Variants in PCGF6 observed in about 807,000 individuals in gnomAD.
PCGF6 encodes polycomb group RING finger protein 6.
PCGF6 carries 24 observed loss-of-function variants against 45.5 expected under a neutral mutation model. The observed-to-expected ratio is 0.53, with a 90% CI of 0.38 to 0.74. The LOEUF is 0.74. PCGF6 is among the 30% of genes least tolerant of loss of function. The probability of loss-of-function intolerance (pLI) is 0.00; values close to 1 mark genes in which losing one functional copy is unlikely to be tolerated. For missense variants in PCGF6, 356 were observed against 443.2 expected (o/e 0.80, Z 1.77); for synonymous variants, 152 against 162.1 (o/e 0.94, Z 0.47).
At position 103,337,941 on chromosome 10, in the gene PCGF6, GT is replaced by G. The variant is rs2093263538; in HGVS notation, c.783-3990del. 1.4e-4 allele frequency among the ~76,000 whole-genome samples: 15 copies of G among 108,994 alleles called. 6 individuals carry two copies. Among genetic ancestry groups the G allele is most frequent in the Non-Finnish European group, 2.4e-4 (12 of 50,908 alleles). The allele number at this position is 108,994 out of a possible 152,430, so 71.5% of individuals were successfully genotyped here. ...TAGCCGGGCGTAGTGGTGGGCGCCT[GT>G]AGTCCCAGCTACTTGGGAGGCTGAG... is the stretch of plus-strand genomic sequence containing the variant. On this transcript the variant is annotated intron_variant, in intron 6 of 9. Coordinates refer to ENST00000369847, the MANE Select transcript of PCGF6 (RefSeq NM_001011663.2).
chr10:103,335,926 C>T (rs1048756840), intron 6 of PCGF6, among the ~76,000 whole-genome samples: 1 of 151,216 alleles, frequency 6.6e-6, no homozygotes, highest in African/African-American at 2.4e-5. Flanking sequence ...GAGATCGTGT[C>T]ACTACACTCC....
At chr10:103,310,843 T>C (rs2093154824) in intron 9 of PCGF6, among the ~76,000 whole-genome samples, 1 of 151,988 alleles carries the variant, frequency 6.6e-6, no homozygotes, top group Non-Finnish European at 1.5e-5. Context: ...GTTGGGACTA[T>C]AGGCATGTGC....
intron 6 of PCGF6, among the ~76,000 whole-genome samples, chr10:103,343,696 G>T (rs190966124): frequency 1.3e-5 from 2 of 152,026 alleles, no homozygotes; most frequent in Non-Finnish European, 2.9e-5. Flanking sequence ...AGCCAGGCGT[G>T]GTGGCATGTG....
chr10:103,347,172 G>A (rs1473969169), intron 5 of PCGF6, 66 bp downstream of exon 5: 1 of 1,268,456 alleles, frequency 7.9e-7, no homozygotes, highest in East Asian at 2.3e-5. Context: ...GAACTTCAAA[G>A]GGCATATATT....
chr10:103,328,068 A>G (rs757488653), intron 7 of PCGF6, among the ~76,000 whole-genome samples: 3 of 152,152 alleles, frequency 2.0e-5, no homozygotes, highest in Non-Finnish European at 1.5e-5. Flanking sequence ...GTAGGAGGTG[A>G]TAAGTAGATG....
intron 7 of PCGF6, among the ~76,000 whole-genome samples, chr10:103,330,036 G>A (rs1384894353): frequency 6.6e-6 from 1 of 151,768 alleles, no homozygotes; most frequent in Non-Finnish European, 1.5e-5. Flanking sequence ...CCAAAGTGCT[G>A]GGATTACAGG....
At chr10:103,334,958 C>A (rs1364947295) in intron 6 of PCGF6, among the ~76,000 whole-genome samples, 1 of 152,208 alleles carries the variant, frequency 6.6e-6, no homozygotes. Flanking sequence ...GAAATTCACA[C>A]TCAGGTGTGC....
At chr10:103,314,546 T>G (rs1226480882) in intron 8 of PCGF6, among the ~76,000 whole-genome samples, 1 of 152,226 alleles carries the variant, frequency 6.6e-6, no homozygotes, top group Non-Finnish European at 1.5e-5. Context: ...TAAGTCATTT[T>G]AGACTTTAAT....
intron 8 of PCGF6, among the ~76,000 whole-genome samples, chr10:103,325,097 T>C (rs2093212838): frequency 6.6e-6 from 1 of 151,464 alleles, no homozygotes; most frequent in South Asian, 2.1e-4. Context: ...ATCACGCCAT[T>C]GCACTCCAGC....
chr10:103,317,984 C>T (rs539313274), intron 8 of PCGF6, among the ~76,000 whole-genome samples: 20 of 150,864 alleles, frequency 1.3e-4, no homozygotes, highest in Admixed American at 3.3e-4. Context: ...CTCGAACTCC[C>T]GAACTCAGGC....
chr10:103,305,888 T>A (rs1189633260), intron 9 of PCGF6, among the ~76,000 whole-genome samples: 1 of 150,264 alleles, frequency 6.7e-6, no homozygotes, highest in Non-Finnish European at 1.5e-5. Flanking sequence ...CCTCTCTACT[T>A]ATATAATTTA....
chr10:103,344,973 T>C lies in PCGF6; in HGVS notation c.782+51A>G, dbSNP rs770464250. 4 of 1,250,748 alleles carry C rather than the reference T, an allele frequency of 3.2e-6. No individual in the cohort carries two copies. The South Asian group carries it at 5.4e-5, about 17-fold the overall frequency. The allele number at this position is 1,250,748 out of a possible 1,614,324, so 77.5% of individuals were successfully genotyped here. On this transcript the variant is annotated intron_variant, in intron 6 of 9. Transcript: ENST00000369847. ...ACCTGAGTTCACAATGATTTCCTAT[T>C]AGGACTTTTAACATTCTTTAAGTTA...
At chr10:103,342,992 C>T (rs938500339) in intron 6 of PCGF6, among the ~76,000 whole-genome samples, 5 of 151,918 alleles carry the variant, frequency 3.3e-5, no homozygotes, top group African/African-American at 1.2e-4. Flanking sequence ...GCAGTGGCAC[C>T]ACCTCGGCTC....
At chr10:103,313,341 G>A in intron 9 of PCGF6, among the ~76,000 whole-genome samples, 1 of 152,320 alleles carries the variant, frequency 6.6e-6, no homozygotes, top group South Asian at 2.1e-4. Context: ...AAGGTGGGCG[G>A]ATCACTTGAG....
chr10:103,314,396 T>C (rs2093167552), intron 8 of PCGF6, 124 bp from the exon 9 acceptor site: 2 of 564,286 alleles, frequency 3.5e-6, no homozygotes, highest in Admixed American at 6.7e-5. Context: ...TTAGACTGAT[T>C]AAACGCTCTT....
chr10:103,320,790 A>T (rs751026476), intron 8 of PCGF6, among the ~76,000 whole-genome samples: 7 of 152,216 alleles, frequency 4.6e-5, no homozygotes, highest in Non-Finnish European at 1.0e-4. Flanking sequence ...TCCCGTGGGA[A>T]TTACTCGTTC....
chr10:103,311,446 T>G (rs1389653258), intron 9 of PCGF6, among the ~76,000 whole-genome samples: 3 of 147,696 alleles, frequency 2.0e-5, no homozygotes, highest in African/African-American at 7.4e-5. Context: ...CCGGCCTCTC[T>G]CTTTTTTTTT....
chr10:103,331,100 T>G (rs1207842018), intron 7 of PCGF6, among the ~76,000 whole-genome samples: 1 of 152,220 alleles, frequency 6.6e-6, no homozygotes, highest in Non-Finnish European at 1.5e-5. Context: ...GACTGGCTTC[T>G]TTTCCTTAGC....
In PCGF6 at chr10:103,345,069, C is replaced by G. The variant is rs137910892; in HGVS notation, c.737G>C (p.Arg246Pro). 2 of 1,613,026 alleles carry G rather than the reference C, an allele frequency of 1.2e-6. No individual in the cohort carries two copies. Among genetic ancestry groups the G allele is most frequent in the South Asian group, 2.2e-5 (2 of 90,944 alleles). ...RSKKVLESVFRIPPELDMSLL... is the reference protein window; with the variant it reads ...RSKKVLESVFPIPPELDMSLL... The stretch of plus-strand genomic sequence containing the variant: ...AGACATATCAAGTTCAGGTGGAATA[C>G]GAAACACTGATTCTAGGACTTTTTT... Residue 246 changes from arginine to proline, a missense_variant, in exon 6 of 10, where the codon CGT becomes CCT. Physicochemically the swap from Arg to Pro is moderately radical, Grantham distance 103. Around this residue, in one of 2 missense-constraint regions of PCGF6, gnomAD observed 307 missense variants for 350.1 expected, o/e 0.88. Coordinates refer to ENST00000369847, the MANE Select transcript of PCGF6 (RefSeq NM_001011663.2).
Sources: allele counts gnomAD v4.1 joint callset (sites outside exome capture counted in the v4.1 genomes callset), GRCh38; gene constraint gnomAD v4.1.1; regional missense constraint gnomAD v4.1.1; transcripts MANE v1.5; gene names NCBI Gene and HGNC (gene_info 2026-07-23, HGNC 2026-07-21).